The following CDH13 variants were observed in gnomAD, a reference collection of about 807,000 sequenced individuals.
CDH13 encodes cadherin 13, also known as cadherin-13.
A neutral mutation model predicts 63.8 loss-of-function variants in CDH13; 24 were observed. The observed-to-expected ratio is 0.38, with a 90% CI of 0.27 to 0.53. The LOEUF (loss-of-function observed/expected upper bound fraction) is 0.53, where lower values mean the gene tolerates loss of function less well. Ranked by LOEUF, CDH13 falls within the 20% of genes least tolerant of loss-of-function variation. The probability of loss-of-function intolerance (pLI) is 0.85; values close to 1 mark genes in which losing one functional copy is unlikely to be tolerated. For synonymous variants in CDH13, 503 were observed against 355.3 expected (o/e 1.42, Z -4.67); for missense variants, 1,049 against 903.1 (o/e 1.16, Z -2.07).
chr16:83,024,963 C>G (rs548637298), intron 2 of CDH13, among the ~76,000 whole-genome samples: 1 of 152,320 alleles, frequency 6.6e-6, no homozygotes, highest in Non-Finnish European at 1.5e-5. Flanking sequence ...GCAGTGATGC[C>G]TGTAGTAACC....
At chr16:83,171,537 G>A (rs1413568266) in intron 4 of CDH13, 1 of 1,534,556 alleles carries the variant, frequency 6.5e-7, no homozygotes, top group South Asian at 1.2e-5. Context: ...GATTTGGCAA[G>A]TTCTGTGCCT....
At chr16:83,653,309 T>C (rs1315892974) in intron 8 of CDH13, among the ~76,000 whole-genome samples, 1 of 152,158 alleles carries the variant, frequency 6.6e-6, no homozygotes, top group Non-Finnish European at 1.5e-5. Context: ...GGTATGTGAA[T>C]CATAGCGCAA....
intron 2 of CDH13, among the ~76,000 whole-genome samples, chr16:82,979,555 G>C (rs1909983030): frequency 6.6e-6 from 1 of 152,116 alleles, no homozygotes; most frequent in Non-Finnish European, 1.5e-5. Flanking sequence ...TCCCCCTTTT[G>C]CTCAGCACTT....
chr16:82,683,406 C>T (rs1375649905), intron 1 of CDH13, among the ~76,000 whole-genome samples: 1 of 152,184 alleles, frequency 6.6e-6, no homozygotes, highest in East Asian at 1.9e-4. Context: ...TGCAAAGTGG[C>T]CATGCCATGA....
chr16:82,821,446 T>C (rs1282993485), intron 1 of CDH13, among the ~76,000 whole-genome samples: 2 of 152,178 alleles, frequency 1.3e-5, no homozygotes, highest in African/African-American at 2.4e-5. Context: ...TAGGGTGAGC[T>C]CTGTGGGGCC....
intron 1 of CDH13, among the ~76,000 whole-genome samples, chr16:82,761,363 T>G (rs534498306): frequency 8.0e-4 from 121 of 152,180 alleles, no homozygotes; most frequent in African/African-American, 2.7e-3. Context: ...CCAAATCATG[T>G]CACAACCAGT....
chr16:83,257,240 G>A (rs1011049800), intron 5 of CDH13, among the ~76,000 whole-genome samples: 2 of 151,760 alleles, frequency 1.3e-5, no homozygotes, highest in Admixed American at 6.6e-5. Flanking sequence ...ATACACAGGC[G>A]AAGAGGAGAG....
At chr16:82,681,214 C>T (rs1033975665) in intron 1 of CDH13, among the ~76,000 whole-genome samples, 1 of 152,220 alleles carries the variant, frequency 6.6e-6, no homozygotes, top group African/African-American at 2.4e-5. Flanking sequence ...CATGCAATAA[C>T]AGGGATGAAC....
intron 2 of CDH13, among the ~76,000 whole-genome samples, chr16:82,939,144 C>G (rs2042754948): frequency 6.6e-6 from 1 of 152,206 alleles, no homozygotes; most frequent in Admixed American, 6.5e-5. Context: ...GGTCACAAGG[C>G]TGGGTGCAGT....
intron 2 of CDH13, among the ~76,000 whole-genome samples, chr16:82,954,983 A>G (rs1392396961): frequency 2.0e-5 from 3 of 152,198 alleles, no homozygotes; most frequent in African/African-American, 4.8e-5. Flanking sequence ...TTGCATTGCC[A>G]AATAATATTC....
At chr16:83,137,822 A>T (rs1352256957) in intron 4 of CDH13, among the ~76,000 whole-genome samples, 1 of 152,002 alleles carries the variant, frequency 6.6e-6, no homozygotes, top group Non-Finnish European at 1.5e-5. Context: ...ATTGAAGTAG[A>T]ACTGGATGGA....
At chr16:82,664,047 C>T (rs1026801263) in intron 1 of CDH13, among the ~76,000 whole-genome samples, 3 of 152,226 alleles carry the variant, frequency 2.0e-5, no homozygotes, top group Admixed American at 2.0e-4. Context: ...GAAATTCAGT[C>T]TTATTCTGCG....
chr16:83,297,666 A>G (rs998296960), intron 5 of CDH13, among the ~76,000 whole-genome samples: 1 of 152,226 alleles, frequency 6.6e-6, no homozygotes, highest in African/African-American at 2.4e-5. Context: ...TGACAAAGAC[A>G]TAACTTCAAC....
At chr16:83,500,321 C>T (rs760328263) in intron 7 of CDH13, among the ~76,000 whole-genome samples, 9 of 318 alleles carry the variant, frequency 0.028, 4 homozygotes, top group South Asian at 0.5. Flanking sequence ...TCTCCTTCTC[C>T]TCCTCCTCCT....
At chr16:83,380,543 C>T (rs772061527) in intron 6 of CDH13, among the ~76,000 whole-genome samples, 2 of 152,160 alleles carry the variant, frequency 1.3e-5, no homozygotes, top group East Asian at 3.8e-4. Context: ...TGAGACATTT[C>T]TTTTTATCAC....
chr16:83,352,976 G>GTCAAATAC (rs1315228053), intron 6 of CDH13, among the ~76,000 whole-genome samples: 2 of 152,212 alleles, frequency 1.3e-5, no homozygotes, highest in Non-Finnish European at 2.9e-5. Flanking sequence ...AACTCAGAAA[G>GTCAAATAC]TCAAATACTG....
intron 2 of CDH13, among the ~76,000 whole-genome samples, chr16:82,947,626 CA>C (rs1186899793): frequency 1.3e-5 from 2 of 151,974 alleles, no homozygotes; most frequent in Non-Finnish European, 2.9e-5. Flanking sequence ...GGAAACTTAA[CA>C]AATTTAATTT....
rs114884280 is a variant in CDH13, at chr16:82,665,570, A to G, written c.45+38433A>G. 2.5e-3 allele frequency among the ~76,000 whole-genome samples: 380 copies of G among 152,218 alleles called. 1 individual carries two copies. Among genetic ancestry groups the G allele is most frequent in the African/African-American group, 8.8e-3 (367 of 41,540 alleles). ...GTATGCAGACACTCCTTGATTTATG[A>G]TGAGATTTTATCCTGATAAACCATC... On this transcript the variant is annotated intron_variant, in intron 1 of 13. Coordinates refer to ENST00000567109, the MANE Select transcript of CDH13 (RefSeq NM_001257.5).
chr16:82,651,954 GGCCAGC>G (rs1424905971), intron 1 of CDH13, among the ~76,000 whole-genome samples: 1 of 152,176 alleles, frequency 6.6e-6, no homozygotes, highest in Non-Finnish European at 1.5e-5. Flanking sequence ...ATTCAGGAAG[GGCCAGC>G]GCCATCCAAT....
Sources: allele counts gnomAD v4.1 joint callset (sites outside exome capture counted in the v4.1 genomes callset), GRCh38; gene constraint gnomAD v4.1.1; transcripts MANE v1.5; gene names NCBI Gene and HGNC (gene_info 2026-07-23, HGNC 2026-07-21).